Variants in PCDH9 observed in about 807,000 individuals in gnomAD.
PCDH9 encodes the protein protocadherin 9, also known as protocadherin-9.
PCDH9 carries 24 observed loss-of-function variants against 70.6 expected under a neutral mutation model. The observed-to-expected ratio is 0.34, with a 90% CI of 0.25 to 0.48. The LOEUF (loss-of-function observed/expected upper bound fraction) is 0.48. Ranked by LOEUF, PCDH9 falls within the 20% of genes least tolerant of loss-of-function variation. The pLI is 0.99. For synonymous variants in PCDH9, 562 were observed against 558.5 expected (o/e 1.01, Z -0.09); for missense variants, 1,281 against 1,503.6 (o/e 0.85, Z 2.45).
chr13:66,551,126 T>C (rs1004359709), intron 4 of PCDH9, among the ~76,000 whole-genome samples: 1 of 152,132 alleles, frequency 6.6e-6, no homozygotes, highest in Non-Finnish European at 1.5e-5. Flanking sequence ...TACTAACAAA[T>C]ACTTTATTTT....
chr13:66,304,909 G>A lies in PCDH9; in HGVS notation c.3460C>T (p.Pro1154Ser). The change falls in exon 5 of 5, where the codon CCC becomes TCC. Residue 1154 changes from proline (P) to serine (S), a missense_variant. By Grantham distance (74) the Pro-to-Ser change is moderately conservative. Transcript: ENST00000377865. ...MPPGLGPYQH[P>S]KSPLSTFAPQ... ...GCAAAGGTTGAGAGAGGAGATTTGGGGTGTTGATATGGACCCAAGCCAGGA... is the reference window on the plus strand; with the variant it reads ...GCAAAGGTTGAGAGAGGAGATTTGGAGTGTTGATATGGACCCAAGCCAGGA... 6.2e-7 allele frequency: 1 copy of A among 1,613,548 alleles called. No homozygotes were observed. The highest frequency in any genetic ancestry group is 1.1e-5 in the South Asian group (1 of 91,062).
intron 3 of PCDH9, among the ~76,000 whole-genome samples, chr13:66,701,494 C>G (rs2078647910): frequency 6.6e-6 from 1 of 152,110 alleles, no homozygotes; most frequent in African/African-American, 2.4e-5. Flanking sequence ...GCTCAGGCCA[C>G]TCAATACTTG....
intron 2 of PCDH9, among the ~76,000 whole-genome samples, chr13:67,185,457 A>G (rs2088728991): frequency 1.3e-5 from 2 of 152,172 alleles, no homozygotes; most frequent in Admixed American, 6.5e-5. Flanking sequence ...ACTTTGTGTA[A>G]TATACATAAT....
chr13:66,453,844 C>T (rs1367312207), intron 4 of PCDH9, among the ~76,000 whole-genome samples: 1 of 152,000 alleles, frequency 6.6e-6, no homozygotes, highest in African/African-American at 2.4e-5. Flanking sequence ...AACAGTAAAC[C>T]AAGAATAAAA....
intron 4 of PCDH9, among the ~76,000 whole-genome samples, chr13:66,579,018 G>A (rs192816223): frequency 3.9e-5 from 6 of 152,174 alleles, no homozygotes; most frequent in Admixed American, 3.3e-4. Flanking sequence ...TTTTGTTGCT[G>A]TATGAGATAA....
chr13:66,954,313 C>A (rs1399719860), intron 2 of PCDH9, among the ~76,000 whole-genome samples: 1 of 152,064 alleles, frequency 6.6e-6, no homozygotes, highest in Non-Finnish European at 1.5e-5. Context: ...AACAATCCTG[C>A]AAGATAAAAA....
At chr13:66,898,085 G>A (rs1403903456) in intron 3 of PCDH9, among the ~76,000 whole-genome samples, 2 of 152,074 alleles carry the variant, frequency 1.3e-5, no homozygotes, top group African/African-American at 4.8e-5. Context: ...GAGTGAGCCA[G>A]ACTGATGCCC....
intron 2 of PCDH9, among the ~76,000 whole-genome samples, chr13:67,098,745 G>T (rs537661508): frequency 6.6e-6 from 1 of 151,792 alleles, no homozygotes; most frequent in South Asian, 2.1e-4. Context: ...ATGCATAAAA[G>T]ACAATAACTA....
chr13:66,314,668 AT>A (rs1243759624), intron 4 of PCDH9, among the ~76,000 whole-genome samples: 1 of 152,120 alleles, frequency 6.6e-6, no homozygotes, highest in African/African-American at 2.4e-5. Context: ...CAATTCTTGC[AT>A]TTTTTTAGAA....
intron 3 of PCDH9, among the ~76,000 whole-genome samples, chr13:66,637,026 T>C (rs946665582): frequency 3.9e-5 from 6 of 152,280 alleles, no homozygotes; most frequent in African/African-American, 1.2e-4. Context: ...TAATATTCAC[T>C]AGAAATATTT....
chr13:66,893,905 G>T (rs1479587105), intron 3 of PCDH9, among the ~76,000 whole-genome samples: 1 of 151,984 alleles, frequency 6.6e-6, no homozygotes, highest in African/African-American at 2.4e-5. Flanking sequence ...TCCTCAGGTT[G>T]CAAGACATTA....
intron 2 of PCDH9, among the ~76,000 whole-genome samples, chr13:66,944,856 T>TGTGTGTGA (rs1491182184): frequency 1.3e-5 from 2 of 151,078 alleles, no homozygotes; most frequent in Admixed American, 6.6e-5. Flanking sequence ...TGTGTGTGTG[T>TGTGTGTGA]GATTTAACTG....
chr13:66,615,636 A>G (rs1054774488), intron 4 of PCDH9, among the ~76,000 whole-genome samples: 14 of 152,238 alleles, frequency 9.2e-5, no homozygotes, highest in Admixed American at 5.2e-4. Context: ...AGGAAAATGT[A>G]CAGAAATCAT....
At position 66,926,793 on chromosome 13, in the gene PCDH9, T is replaced by G. The variant is rs1377586774; in HGVS notation, c.3037-23188A>C. On this transcript the variant is annotated intron_variant, in intron 2 of 4. Coordinates refer to ENST00000377865, the MANE Select transcript of PCDH9 (RefSeq NM_203487.3). ...CACTACAATTTTTTGTGTTAAGTGC[T>G]TGCTGGTAGAGTTCCTATTTTACAT... Among the ~76,000 whole-genome samples, 3 of 152,162 alleles carry G rather than the reference T, an allele frequency of 2.0e-5. No individual in the cohort carries two copies. In the East Asian group the frequency reaches 5.8e-4, roughly 30 times the overall value.
intron 3 of PCDH9, among the ~76,000 whole-genome samples, chr13:66,749,620 G>A (rs988478289): frequency 3.9e-5 from 6 of 152,022 alleles, no homozygotes; most frequent in Non-Finnish European, 7.4e-5. Context: ...CTACCAGCTC[G>A]AGACCAGAAT....
chr13:66,407,016 C>G (rs1446297472), intron 4 of PCDH9, among the ~76,000 whole-genome samples: 1 of 152,094 alleles, frequency 6.6e-6, no homozygotes, highest in East Asian at 1.9e-4. Flanking sequence ...AGTACCTTAG[C>G]AAAACAAGGT....
intron 2 of PCDH9, among the ~76,000 whole-genome samples, chr13:67,099,473 G>C (rs536726125): frequency 6.6e-6 from 1 of 152,234 alleles, no homozygotes; most frequent in East Asian, 1.9e-4. Context: ...ACTTAAGGGA[G>C]TGTACCACAG....
At chr13:67,069,493 G>T (rs537691441) in intron 2 of PCDH9, among the ~76,000 whole-genome samples, 2 of 152,012 alleles carry the variant, frequency 1.3e-5, no homozygotes, top group South Asian at 4.1e-4. Context: ...CAAAATAAAA[G>T]AAAACCTTTA....
chr13:66,360,747 G>A (rs910339264), intron 4 of PCDH9, among the ~76,000 whole-genome samples: 1 of 151,946 alleles, frequency 6.6e-6, no homozygotes, highest in Non-Finnish European at 1.5e-5. Context: ...TTAAAGCAGT[G>A]GTGGATTTCA....
Sources: gnomAD v4.1 joint callset for allele counts (sites outside exome capture counted in the v4.1 genomes callset) on GRCh38, gnomAD v4.1.1 for gene constraint, MANE v1.5 for transcripts, NCBI Gene and HGNC (gene_info 2026-07-23, HGNC 2026-07-21) for gene names.